MME: variants seen among roughly 807,000 people sequenced by gnomAD.
MME encodes membrane metalloendopeptidase.
A neutral mutation model predicts 113.2 loss-of-function variants in MME; 98 were observed. The ratio of observed to expected loss-of-function variants is 0.87; its 90% CI spans 0.74 to 1.02. The LOEUF is 1.02. Among genes scored for constraint, MME ranks in the 50% least tolerant of loss-of-function variants. The pLI is 0.00. For synonymous variants in MME, 292 were observed against 300.6 expected, an observed-to-expected ratio of 0.97 and a Z score of 0.30; for missense variants, 836 against 896.0, an observed-to-expected ratio of 0.93 and a Z score of 0.86.
At chr3:155,047,269 A>G (rs189839240) in intron 1 of MME, among the ~76,000 whole-genome samples, 97 of 152,294 alleles carry the variant, frequency 6.4e-4, no homozygotes, top group African/African-American at 2.2e-3. Flanking sequence ...ACCACTGTCT[A>G]TAGTATGTAA....
chr3:155,030,354 A>G (rs1712927315), intron 1 of MME, among the ~76,000 whole-genome samples: 1 of 151,848 alleles, frequency 6.6e-6, no homozygotes, highest in South Asian at 2.1e-4. Flanking sequence ...CCAGAAAGTC[A>G]TATTTTGGAG....
chr3:155,082,164 GAGC>G (rs1715207902), intron 1 of MME, among the ~76,000 whole-genome samples: 1 of 152,082 alleles, frequency 6.6e-6, no homozygotes, highest in African/African-American at 2.4e-5. Flanking sequence ...AGTTTCCACA[GAGC>G]ACCTGTAATT....
intron 1 of MME, among the ~76,000 whole-genome samples, chr3:155,038,874 C>T (rs2067121184): frequency 6.6e-6 from 1 of 152,098 alleles, no homozygotes; most frequent in African/African-American, 2.4e-5. Flanking sequence ...AATCACTACT[C>T]CTTTGCTTTG....
At chr3:155,072,602 C>A (rs1714618614) in intron 1 of MME, among the ~76,000 whole-genome samples, 1 of 152,120 alleles carries the variant, frequency 6.6e-6, no homozygotes, top group African/African-American at 2.4e-5. Context: ...TTGTTTAGGG[C>A]AGTTGGTTAT....
intron 1 of MME, among the ~76,000 whole-genome samples, chr3:155,032,146 C>G (rs1245183143): frequency 6.6e-6 from 1 of 152,038 alleles, no homozygotes; most frequent in East Asian, 1.9e-4. Flanking sequence ...TAGATCTCTC[C>G]TTTAGAGGTA....
chr3:155,139,447 C>T (rs1462570891), intron 9 of MME, among the ~76,000 whole-genome samples: 1 of 152,096 alleles, frequency 6.6e-6, no homozygotes, highest in African/African-American at 2.4e-5. Context: ...AGGTAAGTGA[C>T]CTAAAGGGGA....
At chr3:155,097,297 C>T (rs755994547) in intron 3 of MME, among the ~76,000 whole-genome samples, 1 of 151,988 alleles carries the variant, frequency 6.6e-6, no homozygotes, top group Non-Finnish European at 1.5e-5. Context: ...GAGAAGAGAA[C>T]CCAGAATTGC....
Position 155,115,120 on chromosome 3 carries a change from A to G in MME, c.323A>G (p.Asp108Gly). 2 of 1,614,132 alleles carry G rather than the reference A, an allele frequency of 1.2e-6. No homozygotes were observed. The highest frequency in any genetic ancestry group is 1.7e-6 in the Non-Finnish European group (2 of 1,180,008). ...PETSSRYGNF[D>G]ILRDELEVVL... ...ACCAGCTCCCGTTACGGCAACTTTG[A>G]CATTTTAAGAGATGAACTAGAAGTC... The change falls in exon 4 of 23, where the codon GAC (aspartate) becomes GGC (glycine). Residue 108 changes from aspartate (D) to glycine (G), a missense_variant. By Grantham distance (94) the Asp-to-Gly change is moderately conservative. Transcript: ENST00000360490.
At position 155,107,960 on chromosome 3, in the gene MME, G is replaced by A. The variant is rs144933308; in HGVS notation, c.197-7034G>A. Among the ~76,000 whole-genome samples, 471 of 152,300 alleles carry A rather than the reference G, an allele frequency of 3.1e-3. 4 individuals are homozygous for A. The highest frequency in any genetic ancestry group is 0.011 in the African/African-American group (447 of 41,564). ...GATATGCCTTACAGAGAAAATATGA[G>A]CAATGGATAAACATCGTTCAGGCAT... On this transcript the variant is annotated intron_variant, in intron 3 of 22. Transcript: ENST00000360490.
At chr3:155,116,256 T>C (rs1718591189) in intron 4 of MME, among the ~76,000 whole-genome samples, 1 of 151,906 alleles carries the variant, frequency 6.6e-6, no homozygotes, top group Admixed American at 6.6e-5. Context: ...CTGATTAAAC[T>C]GACTCCCAGT....
In MME at chr3:155,140,225, T is replaced by C. The variant is rs1720954303; in HGVS notation, c.890T>C (p.Met297Thr). Residue 297 changes from methionine to threonine, a missense_variant, in exon 10 of 23, where the codon ATG (methionine) becomes ACG (threonine). Physicochemically the swap from Met to Thr is moderately conservative, Grantham distance 81. Transcript: ENST00000360490. ...AAACCTGAAGATCGAAATGATCCAATGCTTCTGTATAACAAGATGACATTG... is the reference window on the plus strand; with the variant it reads ...AAACCTGAAGATCGAAATGATCCAACGCTTCTGTATAACAAGATGACATTG... Reference protein sequence around the residue: ...TAKPEDRNDPMLLYNKMTLAQ... With the variant: ...TAKPEDRNDPTLLYNKMTLAQ... 6.2e-7 allele frequency: 1 copy of C among 1,612,708 alleles called. No individual in the cohort carries two copies. Among genetic ancestry groups the C allele is most frequent in the African/African-American group, 1.3e-5 (1 of 74,992 alleles).
chr3:155,077,241 TA>T (rs1265378123), upstream of MME, among the ~76,000 whole-genome samples: 1 of 152,126 alleles, frequency 6.6e-6, no homozygotes, highest in Non-Finnish European at 1.5e-5. Flanking sequence ...TTAAAGGACT[TA>T]AAAAAATTCA....
chr3:155,163,607 C>G (rs529504973), intron 17 of MME, among the ~76,000 whole-genome samples: 1 of 152,120 alleles, frequency 6.6e-6, no homozygotes, highest in African/African-American at 2.4e-5. Context: ...ACCTTAAAAT[C>G]GCAGTCAAGG....
intron 1 of MME, among the ~76,000 whole-genome samples, chr3:155,074,412 G>A (rs543851170): frequency 1.3e-5 from 2 of 151,910 alleles, no homozygotes; most frequent in African/African-American, 4.8e-5. Context: ...TGATTTATGT[G>A]TGTGTGTGTG....
chr3:155,125,043 TCA>T (rs1719503217), intron 8 of MME, among the ~76,000 whole-genome samples: 1 of 151,252 alleles, frequency 6.6e-6, no homozygotes, highest in African/African-American at 2.4e-5. Flanking sequence ...CAGTTTGATC[TCA>T]GACTGCTGTG....
In MME at chr3:155,160,428, C is replaced by G. The variant is rs200973878; in HGVS notation, c.1640C>G (p.Ser547Cys). Reference sequence around the variant, plus strand: ...GCAGCTGTAGTCAATGCATTTTACTCTTCAGGAAGAAATCAGATAGGTAAG... The same window carrying G: ...GCAGCTGTAGTCAATGCATTTTACTGTTCAGGAAGAAATCAGATAGGTAAG... ...SGAAVVNAFY[S>C]SGRNQIVFPA... is the part of the protein sequence containing the mutation. The change falls in exon 17 of 23, where the codon TCT becomes TGT. Residue 547 changes from serine to cysteine, a missense_variant. Transcript: ENST00000360490. The G allele has an allele frequency of 6.2e-7, 1 of 1,606,918 alleles. No individual in the cohort carries two copies. The highest frequency in any genetic ancestry group is 1.7e-5 in the Admixed American group (1 of 59,948).
chr3:155,063,032 C>CA (rs772216166), intron 1 of MME, among the ~76,000 whole-genome samples: 4,251 of 61,190 alleles, frequency 0.069, 153 homozygotes, highest in African/African-American at 0.13. Flanking sequence ...GACTCCATCT[C>CA]AAAAAAAAAA....
At chr3:155,081,750 C>T (rs1192127517) in intron 1 of MME, 1 of 151,974 alleles carries the variant, frequency 6.6e-6, no homozygotes, top group Non-Finnish European at 1.5e-5. Flanking sequence ...AGATACTGTC[C>T]CCTGATGTCT....
At chr3:155,166,017 CATTT>C (rs1723066584) in intron 17 of MME, among the ~76,000 whole-genome samples, 2 of 152,118 alleles carry the variant, frequency 1.3e-5, no homozygotes, top group Non-Finnish European at 1.5e-5. Context: ...AACTACAATT[CATTT>C]ATTTATTCAC....
Sources: gnomAD v4.1 joint callset for allele counts (sites outside exome capture counted in the v4.1 genomes callset) on GRCh38, gnomAD v4.1.1 for gene constraint, MANE v1.5 for transcripts, NCBI Gene and HGNC (gene_info 2026-07-23, HGNC 2026-07-21) for gene names.